The following CELF2 variants were observed in gnomAD, a reference collection of about 807,000 sequenced individuals.
CELF2 encodes the protein CUGBP Elav-like family member 2, also known as CUG triplet repeat RNA-binding protein 2.
Under a neutral mutation model 62.6 loss-of-function variants are expected in CELF2, and 8 were observed. The observed-to-expected ratio is 0.13, with a 90% confidence interval of 0.07 to 0.23. CELF2 has a LOEUF of 0.23. CELF2 is among the 10% of genes least tolerant of loss of function. The pLI, the probability that CELF2 is intolerant of heterozygous loss-of-function variation, is 1.00. For missense variants in CELF2, 333 were observed against 671.0 expected, an observed-to-expected ratio of 0.50 and a Z score of 5.56; for synonymous variants, 258 against 250.0, an observed-to-expected ratio of 1.03 and a Z score of -0.30.
At chr10:10,485,023 G>C in the CELF2 span, among the ~76,000 whole-genome samples, 1 of 152,072 alleles carries the variant, frequency 6.6e-6, no homozygotes, top group Non-Finnish European at 1.5e-5. Context: ...GATGCTACCA[G>C]GAATTGCCCT....
In CELF2 at chr10:10,949,638, CA is replaced by C. The variant is rs79702459; in HGVS notation, c.89+29652del. Reference sequence around the variant, plus strand: ...AAAACCCCATCTCTACTAAAAATACCAAAAAAAAAAAAATTAGCCAGGCTTG... The same window carrying C: ...AAAACCCCATCTCTACTAAAAATACCAAAAAAAAAAAATTAGCCAGGCTTG... On this transcript the variant is annotated intron_variant, in intron 2 of 13. Transcript: ENST00000636488. Among the ~76,000 whole-genome samples, 338 of 139,986 alleles carry C rather than the reference CA, an allele frequency of 2.4e-3. 1 individual carries two copies. The highest frequency in any genetic ancestry group is 2.4e-3 in the African/African-American group (93 of 38,366). The allele number at this position is 139,986 out of a possible 152,430, so 91.8% of individuals were successfully genotyped here.
At chr10:10,587,975 A>G in the CELF2 span, among the ~76,000 whole-genome samples, 1 of 151,754 alleles carries the variant, frequency 6.6e-6, no homozygotes, top group Non-Finnish European at 1.5e-5. Context: ...CCCTCCGCCC[A>G]CTCACCAAGA....
At chr10:10,710,561 A>G in the CELF2 span, among the ~76,000 whole-genome samples, 1 of 152,194 alleles carries the variant, frequency 6.6e-6, no homozygotes, top group African/African-American at 2.4e-5. Context: ...TAAGGAACAA[A>G]CAGTTTGGGT....
At chr10:11,327,634 A>G (rs1281686029) in intron 12 of CELF2, among the ~76,000 whole-genome samples, 1 of 152,198 alleles carries the variant, frequency 6.6e-6, no homozygotes, top group Admixed American at 6.5e-5. Context: ...CTGTTCCTTG[A>G]TAAAGACCCA....
chr10:10,836,591 A>C (rs2058305505), intron 1 of CELF2, among the ~76,000 whole-genome samples: 1 of 152,200 alleles, frequency 6.6e-6, no homozygotes, highest in Admixed American at 6.5e-5. Context: ...CTTACTGAGA[A>C]ACTATAGAAG....
At chr10:11,273,224 G>C (rs1242940835) in intron 7 of CELF2, among the ~76,000 whole-genome samples, 1 of 152,010 alleles carries the variant, frequency 6.6e-6, no homozygotes, top group Non-Finnish European at 1.5e-5. Context: ...CCCTGGGCTG[G>C]GTACCAGTAC....
chr10:10,980,955 T>TGGCATGACAG (rs1185048714), intron 2 of CELF2, among the ~76,000 whole-genome samples: 1 of 152,140 alleles, frequency 6.6e-6, no homozygotes, highest in Non-Finnish European at 1.5e-5. Context: ...ACTCATTACC[T>TGGCATGACAG]GGCATGACAG....
rs1363011233 is a variant in CELF2 at position 11,043,893 on chromosome 10, C to G, written c.74+25730C>G. 2.0e-5 allele frequency among the ~76,000 whole-genome samples: 3 copies of G among 152,206 alleles called. No homozygotes were observed. In the East Asian group the frequency reaches 5.8e-4, roughly 29 times the overall value. On this transcript the variant is annotated intron_variant, in intron 1 of 12. Transcript: ENST00000633077. Reference sequence around the variant, plus strand: ...CCAGCGTCCTTAAAATATCCCACAGCCACAGACCGCCTGCCGCTTGCAGTT... The same window carrying G: ...CCAGCGTCCTTAAAATATCCCACAGGCACAGACCGCCTGCCGCTTGCAGTT...
the CELF2 span, chr10:10,776,141 G>A: frequency 3.3e-5 from 5 of 152,910 alleles, no homozygotes; most frequent in Non-Finnish European, 5.9e-5. Context: ...CAGAAAGAGT[G>A]CAGTTTACTA....
At chr10:11,164,970 A>C (rs1441631972) in intron 1 of CELF2, 14 of 748,282 alleles carry the variant, frequency 1.9e-5, no homozygotes, top group Non-Finnish European at 2.1e-5. Flanking sequence ...CAAGTGTTTC[A>C]TTTTCTTTCC....
At chr10:10,784,233 G>A in the CELF2 span, among the ~76,000 whole-genome samples, 1 of 152,216 alleles carries the variant, frequency 6.6e-6, no homozygotes, top group African/African-American at 2.4e-5. Flanking sequence ...AGATGGGCAG[G>A]TGTAGGAGCT....
chr10:10,562,235 T>C, the CELF2 span, among the ~76,000 whole-genome samples: 1 of 152,194 alleles, frequency 6.6e-6, no homozygotes, highest in Non-Finnish European at 1.5e-5. Context: ...TCTCCACTAA[T>C]CCCCTTGTGT....
chr10:10,897,717 C>G (rs7076716), intron 1 of CELF2, among the ~76,000 whole-genome samples: 31,754 of 151,954 alleles, frequency 0.21, 3,562 homozygotes, highest in Non-Finnish European at 0.25. Flanking sequence ...ACGGCAGGCA[C>G]AGGAGAGCAA....
chr10:10,556,793 G>T, the CELF2 span, among the ~76,000 whole-genome samples: 1 of 151,916 alleles, frequency 6.6e-6, no homozygotes, highest in South Asian at 2.1e-4. Flanking sequence ...GTTATGATGA[G>T]CATTTTTTCA....
the CELF2 span, among the ~76,000 whole-genome samples, chr10:10,472,406 T>G: frequency 6.6e-6 from 1 of 152,072 alleles, no homozygotes; most frequent in Admixed American, 6.6e-5. Context: ...ATCAAATTTT[T>G]TAGTTCTCAA....
intron 1 of CELF2, among the ~76,000 whole-genome samples, chr10:11,151,591 C>A (rs1187400004): frequency 6.6e-6 from 1 of 152,118 alleles, no homozygotes; most frequent in African/African-American, 2.4e-5. Context: ...CTATGTGTGG[C>A]CATGAGCCTT....
chr10:10,644,783 C>T, the CELF2 span, among the ~76,000 whole-genome samples: 2 of 152,154 alleles, frequency 1.3e-5, no homozygotes, highest in African/African-American at 4.8e-5. Flanking sequence ...TTGCACACAG[C>T]GGGCTCTTCT....
chr10:10,754,167 C>T, the CELF2 span, among the ~76,000 whole-genome samples: 1 of 134,992 alleles, frequency 7.4e-6, no homozygotes, highest in East Asian at 2.4e-4. Flanking sequence ...TTTTTTGAGA[C>T]AGAGTCTTAC....
At chr10:10,804,701 AT>A (rs1219659527) in intron 1 of CELF2, among the ~76,000 whole-genome samples, 1 of 152,224 alleles carries the variant, frequency 6.6e-6, no homozygotes, top group African/African-American at 2.4e-5. Flanking sequence ...AGAACCTCCC[AT>A]TAATGAAAAC....
Sources: allele counts gnomAD v4.1 joint callset (sites outside exome capture counted in the v4.1 genomes callset), GRCh38; gene constraint gnomAD v4.1.1; transcripts MANE v1.5; gene names NCBI Gene and HGNC (gene_info 2026-07-23, HGNC 2026-07-21).